CEP112: variants seen among roughly 807,000 people sequenced by gnomAD.
CEP112 encodes centrosomal protein of 112 kDa.
A neutral mutation model predicts 153.0 loss-of-function variants in CEP112; 127 were observed. The observed-to-expected ratio is 0.83, with a 90% CI of 0.72 to 0.96. CEP112 has a LOEUF of 0.96. Ranked by LOEUF, CEP112 falls within the 40% of genes least tolerant of loss-of-function variation. The pLI is 0.00. For missense variants in CEP112, 1,089 were observed against 1,101.2 expected (o/e 0.99, Z 0.16); for synonymous variants, 358 against 374.4 (o/e 0.96, Z 0.51).
At chr17:65,826,710 G>T (rs62065085) in intron 21 of CEP112, among the ~76,000 whole-genome samples, 1 of 152,072 alleles carries the variant, frequency 6.6e-6, no homozygotes, top group Admixed American at 6.5e-5. Context: ...GTGCATAATA[G>T]AGAACATTTC....
At position 66,029,269 on chromosome 17, in the gene CEP112, A is replaced by T. The variant is rs1348237918; in HGVS notation, c.1374-17T>A. 1 of 1,600,034 alleles carries T rather than the reference A, an allele frequency of 6.2e-7. No homozygotes were observed. The highest frequency in any genetic ancestry group is 1.7e-5 in the Admixed American group (1 of 57,230). ...GTGTTACGCCTAAAAACAAGAGAAT[A>T]AAATAGACTTTCAATGTATTTAAAA... On this transcript the variant is annotated splice_polypyrimidine_tract_variant and intron_variant, in intron 13 of 26. Transcript: ENST00000535342.
At chr17:65,825,933 G>A (rs1234396002) in intron 21 of CEP112, among the ~76,000 whole-genome samples, 2 of 150,754 alleles carry the variant, frequency 1.3e-5, no homozygotes, top group East Asian at 3.9e-4. Flanking sequence ...ACACCTCCCT[G>A]CATTTCCCAG....
intron 2 of CEP112, among the ~76,000 whole-genome samples, 169 bp from the exon 3 acceptor site, chr17:66,177,189 G>A (rs886094178): frequency 1.3e-5 from 2 of 152,182 alleles, no homozygotes; most frequent in Non-Finnish European, 2.9e-5. Flanking sequence ...ATGATCTCTG[G>A]CATAACTACT....
chr17:66,029,799 C>A (rs2065384378), intron 13 of CEP112, 70 bp downstream of exon 13: 2 of 1,300,288 alleles, frequency 1.5e-6, no homozygotes, highest in Non-Finnish European at 2.1e-6. Flanking sequence ...TTAATTTTGG[C>A]AGATAACTGA....
chr17:66,095,911 C>T (rs1362910147), intron 8 of CEP112, among the ~76,000 whole-genome samples: 1 of 151,376 alleles, frequency 6.6e-6, no homozygotes, highest in African/African-American at 2.4e-5. Flanking sequence ...CCCATCTCTA[C>T]CAAAAAAAAA....
intron 18 of CEP112, among the ~76,000 whole-genome samples, chr17:65,949,142 C>CACA (rs1446173922): frequency 6.6e-6 from 1 of 152,072 alleles, no homozygotes; most frequent in Non-Finnish European, 1.5e-5. Flanking sequence ...TAATCAAAGA[C>CACA]ACAATTTACC....
intron 18 of CEP112, among the ~76,000 whole-genome samples, chr17:65,937,349 C>T (rs1157722847): frequency 9.2e-6 from 1 of 108,128 alleles, no homozygotes; most frequent in South Asian, 4.0e-4. Flanking sequence ...TCTTCCCGGC[C>T]GCCATCCCAT....
In CEP112 at chr17:66,177,030, C is replaced by T. The variant is rs1247318147; in HGVS notation, c.107-10G>A. 1.3e-6 allele frequency: 2 copies of T among 1,575,472 alleles called. No homozygotes were observed. Among genetic ancestry groups the T allele is most frequent in the African/African-American group, 2.7e-5 (2 of 72,740 alleles). ...GCACACCTCTGCCGTTCTATAAATA[C>T]AGAAGAACTATTAGAAATTTTATTT... On this transcript the variant is annotated splice_polypyrimidine_tract_variant and intron_variant, in intron 2 of 26. Transcript: ENST00000535342.
chr17:66,046,203 C>T (rs4281769), intron 12 of CEP112, among the ~76,000 whole-genome samples: 97,973 of 151,832 alleles, frequency 0.65, 32,550 homozygotes, highest in East Asian at 0.96. Context: ...CTGCCACGCC[C>T]GGCTAATTTT....
intron 23 of CEP112, among the ~76,000 whole-genome samples, chr17:65,735,453 G>A (rs2050743896): frequency 6.6e-6 from 1 of 151,900 alleles, no homozygotes. Context: ...CGAGGTTTGA[G>A]ATTTAACAAA....
chr17:65,655,182 G>A (rs1252520124), intron 24 of CEP112: 1 of 762,800 alleles, frequency 1.3e-6, no homozygotes, highest in African/African-American at 1.7e-5. Context: ...ATCTAATATT[G>A]ACAAGTGGCT....
chr17:65,914,481 A>G (rs564273091), intron 19 of CEP112, among the ~76,000 whole-genome samples: 1 of 152,146 alleles, frequency 6.6e-6, no homozygotes, highest in Admixed American at 6.5e-5. Flanking sequence ...GGCATTCGAA[A>G]AACAGAATTA....
chr17:66,130,038 A>T (rs1250249920), intron 5 of CEP112, among the ~76,000 whole-genome samples: 2 of 152,070 alleles, frequency 1.3e-5, no homozygotes, highest in Non-Finnish European at 2.9e-5. Flanking sequence ...GTGGGACGGG[A>T]GGGAGAAAAA....
At chr17:66,173,642 G>A (rs1347777218) in intron 4 of CEP112, among the ~76,000 whole-genome samples, 4 of 152,168 alleles carry the variant, frequency 2.6e-5, no homozygotes, top group South Asian at 4.1e-4. Context: ...ACTAAGAATC[G>A]TATTTTTCTT....
chr17:66,132,136 T>C (rs1181740127), intron 5 of CEP112, among the ~76,000 whole-genome samples: 1 of 111,404 alleles, frequency 9.0e-6, no homozygotes, highest in Non-Finnish European at 1.7e-5. Flanking sequence ...ACACCACTGC[T>C]CTCCAGCCTG....
Position 66,191,931 on chromosome 17 carries a change from C to A in CEP112, c.-9+66G>T. On this transcript the variant is annotated intron_variant, in intron 1 of 26. Coordinates refer to ENST00000535342, the MANE Select transcript of CEP112 (RefSeq NM_001199165.4). This position sits in a 1 kb window ranked among gnomAD's most constrained non-coding sequence, Gnocchi z 4.2. ...GCAAGGGCGGGGCGGCAGCCACCGG[C>A]GCAAAATTCCACTCAAGAACCTGGT... The A allele has an allele frequency of 6.6e-6, 1 of 152,408 alleles. No homozygotes were observed. The highest frequency in any genetic ancestry group is 2.0e-4 in the South Asian group (1 of 5,034). The allele number at this position is 152,408 out of a possible 1,614,324, so 9.4% of individuals were successfully genotyped here.
chr17:65,810,262 G>A (rs559290855), intron 21 of CEP112, among the ~76,000 whole-genome samples: 1 of 152,280 alleles, frequency 6.6e-6, no homozygotes, highest in Admixed American at 6.5e-5. Flanking sequence ...TTTACTGGTA[G>A]TTGAATATAT....
chr17:65,717,301 G>A (rs1022004620), intron 23 of CEP112, among the ~76,000 whole-genome samples: 11 of 152,076 alleles, frequency 7.2e-5, no homozygotes, highest in South Asian at 2.1e-4. Context: ...CTAGATGGGC[G>A]GTATTCAGCA....
At chr17:65,773,269 G>A (rs1182968952) in intron 21 of CEP112, among the ~76,000 whole-genome samples, 2 of 148,786 alleles carry the variant, frequency 1.3e-5, no homozygotes, top group African/African-American at 2.6e-5. Flanking sequence ...TCTACCCCCT[G>A]CCTTCATTTT....
Sources: gnomAD v4.1 joint callset for allele counts (sites outside exome capture counted in the v4.1 genomes callset) on GRCh38, gnomAD v4.1.1 for gene constraint, Gnocchi (gnomAD v3.1) non-coding constraint, MANE v1.5 for transcripts, NCBI Gene and HGNC (gene_info 2026-07-23, HGNC 2026-07-21) for gene names.